The following ABCA13 variants were observed in gnomAD, a reference collection of about 807,000 sequenced individuals.
The protein encoded by ABCA13 is ATP binding cassette subfamily A member 13.
In ABCA13, 476 loss-of-function variants were observed where a neutral mutation model predicts 478.7. That is an observed-to-expected ratio of 0.99 (90% confidence interval 0.92 to 1.07). ABCA13 has a LOEUF of 1.07. Ranked by LOEUF, ABCA13 falls within the 50% of genes least tolerant of loss-of-function variation. The pLI, the probability that ABCA13 is intolerant of heterozygous loss-of-function variation, is 0.00. For missense variants in ABCA13, 6,060 were observed against 5,910.6 expected (o/e 1.03, Z -0.83); for synonymous variants, 2,252 against 2,158.9 (o/e 1.04, Z -1.20).
At chr7:48,299,246 G>A (rs1204656911) in intron 23 of ABCA13, among the ~76,000 whole-genome samples, 9 of 152,132 alleles carry the variant, frequency 5.9e-5, no homozygotes, top group Non-Finnish European at 1.0e-4. Context: ...GTAAGTGAAC[G>A]TTGCAATTGA....
chr7:48,607,241 G>A lies in ABCA13; in HGVS notation c.14745-8044G>A, dbSNP rs533191370. Among the ~76,000 whole-genome samples, 178 of 152,282 alleles carry A rather than the reference G, an allele frequency of 1.2e-3. 1 individual carries two copies. In the South Asian group the frequency reaches 0.019, roughly 16 times the overall value. ...ACAGGAAAAGCGCAGTATCTGGGCC[G>A]GAGTGCACGTTCCTACCAGTACGGT... On this transcript the variant is annotated intron_variant, in intron 58 of 61. Coordinates refer to ENST00000435803, the MANE Select transcript of ABCA13 (RefSeq NM_152701.5).
At chr7:48,357,104 T>TGGGCAAA (rs1810051089) in intron 31 of ABCA13, among the ~76,000 whole-genome samples, 2 of 151,874 alleles carry the variant, frequency 1.3e-5, no homozygotes, top group Admixed American at 6.5e-5. Context: ...GACTTTGATG[T>TGGGCAAA]GTCTTGGGCA....
intron 1 of ABCA13, among the ~76,000 whole-genome samples, chr7:48,188,504 C>G (rs1235077146): frequency 1.3e-5 from 2 of 152,122 alleles, no homozygotes; most frequent in African/African-American, 4.8e-5. Context: ...TAGAGATTGT[C>G]AACTGAGTTG....
chr7:48,568,172 C>T (rs73341475), intron 55 of ABCA13, among the ~76,000 whole-genome samples: 69 of 152,220 alleles, frequency 4.5e-4, no homozygotes, highest in African/African-American at 1.6e-3. Flanking sequence ...TACCAATTAA[C>T]AATCATTCTC....
intron 56 of ABCA13, among the ~76,000 whole-genome samples, chr7:48,584,371 T>C (rs953051318): frequency 9.9e-5 from 15 of 152,216 alleles, no homozygotes; most frequent in Non-Finnish European, 1.9e-4. Context: ...TTCATTACAA[T>C]GATGAGAAAA....
intron 51 of ABCA13, among the ~76,000 whole-genome samples, chr7:48,513,420 A>G (rs1409267102): frequency 6.6e-6 from 1 of 152,242 alleles, no homozygotes; most frequent in African/African-American, 2.4e-5. Context: ...GTCAGGGAGA[A>G]TTAGCATCCA....
intron 58 of ABCA13, among the ~76,000 whole-genome samples, chr7:48,608,382 G>C (rs74794704): frequency 0.018 from 2,715 of 152,306 alleles, 84 homozygotes; most frequent in African/African-American, 0.062. Flanking sequence ...GGCTCCTTTT[G>C]TGTCTCTCCT....
At chr7:48,303,729 G>A (rs1399493868) in intron 23 of ABCA13, among the ~76,000 whole-genome samples, 3 of 151,948 alleles carry the variant, frequency 2.0e-5, no homozygotes, top group Non-Finnish European at 2.9e-5. Context: ...ATGCTGTTTT[G>A]GTTAATTGGA....
At chr7:48,539,304 C>T (rs1833807093) in intron 55 of ABCA13, among the ~76,000 whole-genome samples, 1 of 150,244 alleles carries the variant, frequency 6.7e-6, no homozygotes, top group South Asian at 2.1e-4. Context: ...CACATAATAG[C>T]TGGTCTTTAG....
At chr7:48,610,259 A>C (rs1427513461) in intron 58 of ABCA13, among the ~76,000 whole-genome samples, 1 of 152,268 alleles carries the variant, frequency 6.6e-6, no homozygotes, top group Non-Finnish European at 1.5e-5. Context: ...GAGCAAGCCC[A>C]AAACCCAGCA....
chr7:48,192,002 G>A (rs547031915), intron 1 of ABCA13, among the ~76,000 whole-genome samples: 7 of 152,250 alleles, frequency 4.6e-5, no homozygotes, highest in Admixed American at 2.0e-4. Flanking sequence ...TTTTTTTTGT[G>A]CATTTATTCA....
Position 48,387,926 on chromosome 7 carries a change from C to G in ABCA13, c.11440C>G (p.Leu3814Val). The G allele has an allele frequency of 6.2e-7, 1 of 1,612,566 alleles. No homozygotes were observed. The highest frequency in any genetic ancestry group is 1.1e-5 in the South Asian group (1 of 90,864). ...AAGGCAATACTTTCTAAGTTCTAGTCTGTTCTTCTTCAATGAGAACTTTGA... is the reference window on the plus strand; with the variant it reads ...AAGGCAATACTTTCTAAGTTCTAGTGTGTTCTTCTTCAATGAGAACTTTGA... ...EKRQYFLSSS[L>V]FFFNENFDNK... Residue 3814 changes from leucine to valine, a missense_variant, in exon 36 of 62, where the codon CTG becomes GTG. Leu to Val is a conservative substitution (Grantham distance 32). Coordinates refer to ENST00000435803, the MANE Select transcript of ABCA13 (RefSeq NM_152701.5).
chr7:48,214,060 T>A (rs1046995770), intron 3 of ABCA13, among the ~76,000 whole-genome samples: 1 of 152,326 alleles, frequency 6.6e-6, no homozygotes, highest in East Asian at 1.9e-4. Context: ...ATAATAAGAT[T>A]TGAAATTTGA....
chr7:48,296,528 C>T (rs1338418865), intron 21 of ABCA13, among the ~76,000 whole-genome samples: 4 of 150,594 alleles, frequency 2.7e-5, no homozygotes, highest in Non-Finnish European at 4.4e-5. Flanking sequence ...GGCGCGATCT[C>T]GGCTCACTGC....
intron 59 of ABCA13, 42 bp from the exon 60 acceptor site, chr7:48,643,246 C>T (rs765605405): frequency 6.1e-6 from 8 of 1,321,540 alleles, no homozygotes; most frequent in Middle Eastern, 3.7e-4. Context: ...CATCTTAGGT[C>T]AATATGATAA....
chr7:48,204,541 A>G (rs575759708), intron 3 of ABCA13, among the ~76,000 whole-genome samples: 9 of 152,228 alleles, frequency 5.9e-5, no homozygotes, highest in African/African-American at 2.2e-4. Context: ...CTTTCCTGAC[A>G]TGGAGACGTA....
chr7:48,219,507 C>A lies in ABCA13; in HGVS notation c.439+2C>A, dbSNP rs1787023433. 6.2e-7 allele frequency: 1 copy of A among 1,606,690 alleles called. No homozygotes were observed. The highest frequency in any genetic ancestry group is 1.1e-5 in the South Asian group (1 of 89,232). ...GGGTAGAACGATCCAACACTCCAGG[C>A]AAGTAAACCTCTCATAACTGTGACA... is the stretch of plus-strand genomic sequence containing the variant. On this transcript the variant is annotated splice_donor_variant, in intron 4 of 61. Coordinates refer to ENST00000435803, the MANE Select transcript of ABCA13 (RefSeq NM_152701.5). LOFTEE classifies it high-confidence loss of function.
In ABCA13 at chr7:48,245,991, G is replaced by C. The variant is rs1160773810; in HGVS notation, c.1620G>C (p.Thr540=). The C allele has an allele frequency of 2.0e-5, 32 of 1,613,694 alleles. No individual in the cohort carries two copies. The highest frequency in any genetic ancestry group is 2.7e-5 in the Non-Finnish European group (32 of 1,179,728). ...TGTGCTATTGTAACTCCTCTGAGAC[G>C]AGTGTTTTAAACAAGCTACTTGGTT... ...GLLCYCNSSE[T]SVLNKLLGSV... is the part of the protein sequence containing the mutation. The change falls in exon 13 of 62, where the codon ACG becomes ACC. Residue 540 remains threonine, a synonymous_variant. Transcript: ENST00000435803.
chr7:48,320,663 A>G (rs1803316634), intron 27 of ABCA13, among the ~76,000 whole-genome samples: 1 of 152,242 alleles, frequency 6.6e-6, no homozygotes, highest in Non-Finnish European at 1.5e-5. Context: ...GAAAAACAGA[A>G]AAAAGAATTA....
Sources: allele counts gnomAD v4.1 joint callset (sites outside exome capture counted in the v4.1 genomes callset), GRCh38; gene constraint gnomAD v4.1.1; transcripts MANE v1.5; gene names NCBI Gene and HGNC (gene_info 2026-07-23, HGNC 2026-07-21).